The following PIKFYVE variants were observed in gnomAD, a reference collection of about 807,000 sequenced individuals.
The protein encoded by PIKFYVE is 1-phosphatidylinositol 3-phosphate 5-kinase.
In PIKFYVE, 122 loss-of-function variants were observed where a neutral mutation model predicts 257.9. That is an observed-to-expected ratio of 0.47 (90% CI 0.41 to 0.55). The LOEUF (loss-of-function observed/expected upper bound fraction) is 0.55. Among genes scored for constraint, PIKFYVE ranks in the 20% least tolerant of loss-of-function variants. The pLI is 0.00. For synonymous variants in PIKFYVE, 892 were observed against 868.9 expected (o/e 1.03, Z -0.47); for missense variants, 2,160 against 2,536.6 (o/e 0.85, Z 3.19).
At chr2:208,330,794 T>C (rs1697455977) in intron 23 of PIKFYVE, 100 bp downstream of exon 23, 1 of 1,186,596 alleles carries the variant, frequency 8.4e-7, no homozygotes, top group Admixed American at 2.0e-5. Context: ...ACTGGATTCG[T>C]TATTTGTTAT....
intron 17 of PIKFYVE, among the ~76,000 whole-genome samples, chr2:208,321,575 G>C (rs2363467): frequency 0.92 from 132,063 of 143,020 alleles, 61,410 homozygotes; most frequent in Non-Finnish European, 0.97. Flanking sequence ...CTTTTCTTTT[G>C]TTTTTTTTTT....
chr2:208,354,495 A>G, intron 40 of PIKFYVE, 76 bp from the exon 41 acceptor site: 1 of 1,260,276 alleles, frequency 7.9e-7, no homozygotes, highest in Non-Finnish European at 1.2e-6. Flanking sequence ...AGTAGTAGTA[A>G]TAGTCATTGC....
chr2:208,321,521 G>A (rs1696200625), intron 17 of PIKFYVE, among the ~76,000 whole-genome samples: 1 of 151,686 alleles, frequency 6.6e-6, no homozygotes, highest in Non-Finnish European at 1.5e-5. Flanking sequence ...CATTTTAGTA[G>A]AGAACTCTAA....
chr2:208,333,258 T>C (rs1697759298), intron 23 of PIKFYVE, 57 bp from the exon 24 acceptor site: 1 of 1,565,022 alleles, frequency 6.4e-7, no homozygotes, highest in African/African-American at 1.4e-5. Context: ...AAATGTTATT[T>C]TTTGAAAAAG....
rs920742544 is a variant in PIKFYVE, at chr2:208,357,708, A to T, written c.*2403A>T. 1.3e-5 allele frequency: 2 copies of T among 152,356 alleles called. No homozygotes were observed. The highest frequency in any genetic ancestry group is 1.9e-4 in the East Asian group (1 of 5,190). 9.4% of individuals were successfully genotyped at this position (152,356 alleles called of 1,614,324 possible). On this transcript the variant is annotated 3_prime_UTR_variant, in exon 42 of 42. Transcript: ENST00000264380. ...TGCTGCTCTTGTTTAGGCCACTATC[A>T]TAGATATATTTCAAATATTGTACTA...
At chr2:208,296,755 G>T (rs1444206745) in intron 7 of PIKFYVE, among the ~76,000 whole-genome samples, 1 of 152,160 alleles carries the variant, frequency 6.6e-6, no homozygotes, top group Non-Finnish European at 1.5e-5. Flanking sequence ...TATCTTATTA[G>T]TCAAGTGGAG....
At chr2:208,314,523 C>CT in intron 14 of PIKFYVE, 100 bp downstream of exon 14, 1 of 1,330,208 alleles carries the variant, frequency 7.5e-7, no homozygotes, top group Non-Finnish European at 1.0e-6. Flanking sequence ...AGGTCTTTTT[C>CT]TTTTTCCTTA....
At position 208,285,731 on chromosome 2, in the gene PIKFYVE, C is replaced by T. The variant is rs770291148; in HGVS notation, c.619C>T (p.Leu207Phe). ...TTTTTGTTTTTTTCTCCTAGGAGAC[C>T]TCCGAGCTTGCACATATTGTAGAAA... ...PGKFMGYTGDLRACTYCRKIA... is the reference protein window; with the variant it reads ...PGKFMGYTGDFRACTYCRKIA... Residue 207 changes from leucine to phenylalanine, a missense_variant, in exon 6 of 42, where the codon CTC becomes TTC. Transcript: ENST00000264380. 2.5e-6 allele frequency: 4 copies of T among 1,613,418 alleles called. No homozygotes were observed. Among genetic ancestry groups the T allele is most frequent in the Non-Finnish European group, 3.4e-6 (4 of 1,179,528 alleles).
At chr2:208,328,807 G>T (rs531282611) in intron 21 of PIKFYVE, among the ~76,000 whole-genome samples, 36 of 152,194 alleles carry the variant, frequency 2.4e-4, no homozygotes, top group African/African-American at 8.2e-4. Flanking sequence ...CCCTCTTGTG[G>T]TACCATATCA....
chr2:208,349,004 A>G (rs1215526304), intron 35 of PIKFYVE, among the ~76,000 whole-genome samples: 1 of 152,028 alleles, frequency 6.6e-6, no homozygotes, highest in Non-Finnish European at 1.5e-5. Context: ...CTCTACTGAA[A>G]ATAAAAAAAT....
intron 35 of PIKFYVE, among the ~76,000 whole-genome samples, chr2:208,349,481 T>C (rs1699560439): frequency 6.7e-6 from 1 of 149,922 alleles, no homozygotes; most frequent in Admixed American, 6.7e-5. Context: ...AGTATATTAA[T>C]ATATAATTGT....
At chr2:208,343,383 C>T (rs1433551119) in intron 32 of PIKFYVE, among the ~76,000 whole-genome samples, 1 of 152,160 alleles carries the variant, frequency 6.6e-6, no homozygotes, top group African/African-American at 2.4e-5. Flanking sequence ...ACTTAGAAAA[C>T]AGCAGTCACC....
At chr2:208,320,701 A>C (rs562147570) in intron 17 of PIKFYVE, among the ~76,000 whole-genome samples, 1 of 152,312 alleles carries the variant, frequency 6.6e-6, no homozygotes, top group African/African-American at 2.4e-5. Flanking sequence ...ATATTTCTAG[A>C]ACATCAATTA....
chr2:208,302,576 A>G (rs1356215964), intron 10 of PIKFYVE: 3 of 514,124 alleles, frequency 5.8e-6, no homozygotes, highest in South Asian at 2.1e-5. Context: ...TGATCAGACA[A>G]TAAAAAAGGA....
Position 208,284,245 on chromosome 2 carries a change from A to C in PIKFYVE, c.614-1481A>C, listed in dbSNP as rs575494170. ...ATTAACCTTGTTTGTCCTCTCAAGA[A>C]TATTTCATTTCTATCCTTTTTTTTT... On this transcript the variant is annotated intron_variant, in intron 5 of 41. Transcript: ENST00000264380. 1.6e-4 allele frequency among the ~76,000 whole-genome samples: 24 copies of C among 151,772 alleles called. No individual in the cohort carries two copies. In the South Asian group the frequency reaches 4.0e-3, roughly 25 times the overall value.
In PIKFYVE at chr2:208,355,479, C is replaced by T; in HGVS notation, c.*174C>T. The stretch of plus-strand genomic sequence containing the variant: ...GGAATGGTAAAACTCCATGAATTTG[C>T]ACTTTGGTTTTTGATACCTGTGGAG... On this transcript the variant is annotated 3_prime_UTR_variant, in exon 42 of 42. Coordinates refer to ENST00000264380, the MANE Select transcript of PIKFYVE (RefSeq NM_015040.4). 1 of 599,240 alleles carries T rather than the reference C, an allele frequency of 1.7e-6. No homozygotes were observed. The allele number at this position is 599,240 out of a possible 1,614,324, so 37.1% of individuals were successfully genotyped here.
At chr2:208,332,140 A>T (rs1697613145) in intron 23 of PIKFYVE, among the ~76,000 whole-genome samples, 1 of 152,344 alleles carries the variant, frequency 6.6e-6, no homozygotes, top group East Asian at 1.9e-4. Flanking sequence ...TCTATGAGCC[A>T]TGATAATAGA....
Position 208,320,370 on chromosome 2 carries a change from A to T in PIKFYVE, c.2190+11A>T, listed in dbSNP as rs1464817009. 1 of 1,610,692 alleles carries T rather than the reference A, an allele frequency of 6.2e-7. No homozygotes were observed. The highest frequency in any genetic ancestry group is 8.5e-7 in the Non-Finnish European group (1 of 1,177,624). On this transcript the variant is annotated intron_variant, in intron 17 of 41. Transcript: ENST00000264380. ...CCTATTGTGCTTCAGGTAAGAATTT[A>T]CTACTGAAAATAATAATTTAGAGGG...
intron 5 of PIKFYVE, among the ~76,000 whole-genome samples, chr2:208,280,665 A>C (rs1442390013): frequency 6.6e-6 from 1 of 152,174 alleles, no homozygotes; most frequent in East Asian, 1.9e-4. Context: ...TCATTCAAGG[A>C]GTTCTGGATC....
Sources: gnomAD v4.1 joint callset for allele counts (sites outside exome capture counted in the v4.1 genomes callset) on GRCh38, gnomAD v4.1.1 for gene constraint, MANE v1.5 for transcripts, NCBI Gene and HGNC (gene_info 2026-07-23, HGNC 2026-07-21) for gene names.